GALNT12: variants seen among roughly 807,000 people sequenced by gnomAD.
GALNT12 encodes polypeptide N-acetylgalactosaminyltransferase 12.
Under a neutral mutation model 55.5 loss-of-function variants are expected in GALNT12, and 45 were observed. The observed-to-expected ratio is 0.81, with a 90% CI of 0.64 to 1.04. GALNT12 has a LOEUF of 1.04. GALNT12 is among the 50% of genes least tolerant of loss of function. The pLI, the probability that GALNT12 is intolerant of heterozygous loss-of-function variation, is 0.00. For synonymous variants in GALNT12, 304 were observed against 312.2 expected, an observed-to-expected ratio of 0.97 and a Z score of 0.28; for missense variants, 709 against 754.8, an observed-to-expected ratio of 0.94 and a Z score of 0.71.
chr9:98,833,157 G>A (rs1212615854), intron 4 of GALNT12, among the ~76,000 whole-genome samples: 1 of 152,150 alleles, frequency 6.6e-6, no homozygotes, highest in East Asian at 1.9e-4. Flanking sequence ...AGGTTTTGAA[G>A]TGATAGCCTG....
chr9:98,819,684 C>G (rs1835694328), intron 1 of GALNT12, among the ~76,000 whole-genome samples: 1 of 151,982 alleles, frequency 6.6e-6, no homozygotes, highest in Admixed American at 6.6e-5. Flanking sequence ...GGAAGAGGAC[C>G]CTGGACCCCG....
intron 3 of GALNT12, among the ~76,000 whole-genome samples, chr9:98,829,296 C>T (rs1170584542): frequency 6.6e-6 from 1 of 152,004 alleles, no homozygotes; most frequent in Non-Finnish European, 1.5e-5. Flanking sequence ...TCAAGTGATT[C>T]TCCTGGCTCA....
At chr9:98,848,242 A>T (rs1336253656) in intron 9 of GALNT12, among the ~76,000 whole-genome samples, 1 of 151,902 alleles carries the variant, frequency 6.6e-6, no homozygotes, top group African/African-American at 2.4e-5. Context: ...AAGGTTTTTC[A>T]CTGATGTTGT....
chr9:98,845,933 T>C, intron 8 of GALNT12, 44 bp from the exon 9 acceptor site: 5 of 1,606,718 alleles, frequency 3.1e-6, no homozygotes, highest in Non-Finnish European at 4.3e-6. Context: ...TCTTCCCACA[T>C]CAGTGGAAAA....
chr9:98,822,950 G>T (rs960511226), intron 1 of GALNT12, among the ~76,000 whole-genome samples: 1 of 152,188 alleles, frequency 6.6e-6, no homozygotes, highest in Non-Finnish European at 1.5e-5. Flanking sequence ...AAAGGAGGGC[G>T]ATGGGGAAGG....
chr9:98,832,578 G>T (rs548157134), intron 4 of GALNT12, among the ~76,000 whole-genome samples: 1 of 152,016 alleles, frequency 6.6e-6, no homozygotes, highest in African/African-American at 2.4e-5. Flanking sequence ...GCACATTCAC[G>T]GTATTGTGCA....
intron 1 of GALNT12, among the ~76,000 whole-genome samples, chr9:98,817,842 A>G (rs1265691359): frequency 1.3e-5 from 2 of 152,216 alleles, no homozygotes; most frequent in East Asian, 3.8e-4. Context: ...ATTGAGCTAC[A>G]TAGCTATAGA....
At chr9:98,833,895 GCCT>G (rs1836065469) in intron 4 of GALNT12, among the ~76,000 whole-genome samples, 1 of 152,054 alleles carries the variant, frequency 6.6e-6, no homozygotes, top group African/African-American at 2.4e-5. Flanking sequence ...ATATCCCTGT[GCCT>G]CAGTTATCTC....
intron 4 of GALNT12, among the ~76,000 whole-genome samples, chr9:98,834,410 C>T (rs758281489): frequency 9.8e-5 from 15 of 152,328 alleles, no homozygotes; most frequent in Non-Finnish European, 1.6e-4. Context: ...TATGAGCCAC[C>T]GTGCCCAGCC....
At chr9:98,830,352 G>T (rs1315298109) in intron 3 of GALNT12, among the ~76,000 whole-genome samples, 1 of 152,016 alleles carries the variant, frequency 6.6e-6, no homozygotes, top group Non-Finnish European at 1.5e-5. Context: ...ACCAGGTAGG[G>T]CTCCTGGCAT....
At position 98,837,126 on chromosome 9, in the gene GALNT12, A is replaced by G. The variant is rs1836174089; in HGVS notation, c.1190A>G (p.His397Arg). The change falls in exon 6 of 10, where the codon CAT becomes CGT. Residue 397 changes from histidine (H) to arginine (R), a missense_variant. Transcript: ENST00000375011. ...WMDEFKELYY[H>R]RNPRARLEPF... ...GATGAATTTAAAGAGCTCTACTACC[A>G]TCGCAACCCCCGTGCCCGCTTGGTG... is the stretch of plus-strand genomic sequence containing the variant. The G allele has an allele frequency of 1.2e-6, 2 of 1,613,988 alleles. No individual in the cohort carries two copies. The highest frequency in any genetic ancestry group is 1.7e-6 in the Non-Finnish European group (2 of 1,180,030).
chr9:98,834,975 A>G (rs1431779953), intron 4 of GALNT12, among the ~76,000 whole-genome samples: 1 of 151,922 alleles, frequency 6.6e-6, no homozygotes, highest in Non-Finnish European at 1.5e-5. Flanking sequence ...TGCCCTCCTC[A>G]GTGTTCTCCC....
intron 1 of GALNT12, among the ~76,000 whole-genome samples, chr9:98,822,160 C>T (rs1435874174): frequency 6.6e-6 from 1 of 152,248 alleles, no homozygotes; most frequent in Non-Finnish European, 1.5e-5. Context: ...CTTAGCAACC[C>T]AGGGAGCCTA....
chr9:98,818,953 G>T (rs2118326686), intron 1 of GALNT12, among the ~76,000 whole-genome samples: 1 of 152,262 alleles, frequency 6.6e-6, no homozygotes, highest in South Asian at 2.1e-4. Context: ...TGGGGCTGGA[G>T]GTTCTGATTC....
chr9:98,847,634 C>T (rs1345624450), intron 9 of GALNT12: 2 of 152,054 alleles, frequency 1.3e-5, no homozygotes, highest in Non-Finnish European at 2.9e-5. Context: ...ACGCTTAATA[C>T]TTTGATTCAT....
intron 2 of GALNT12, among the ~76,000 whole-genome samples, chr9:98,825,004 C>T (rs1835827016): frequency 6.6e-6 from 1 of 152,156 alleles, no homozygotes; most frequent in Admixed American, 6.5e-5. Context: ...TGACCCTAAC[C>T]AGTTTCAAAC....
intron 2 of GALNT12, among the ~76,000 whole-genome samples, chr9:98,824,740 C>T (rs1835821859): frequency 6.6e-6 from 1 of 152,154 alleles, no homozygotes; most frequent in African/African-American, 2.4e-5. Flanking sequence ...CTTTTCTGAG[C>T]CTCAGTTTCT....
chr9:98,808,997 C>A (rs1835437338), intron 1 of GALNT12, among the ~76,000 whole-genome samples: 1 of 152,224 alleles, frequency 6.6e-6, no homozygotes, highest in Admixed American at 6.5e-5. Flanking sequence ...CAGGCACCTG[C>A]CACTCCTCTC....
At position 98,831,712 on chromosome 9, in the gene GALNT12, A is replaced by G. The variant is rs77131163; in HGVS notation, c.732-60A>G. 4,050 of 1,590,528 alleles carry G rather than the reference A, an allele frequency of 2.5e-3. 98 individuals carry two copies. The African/African-American group carries it at 0.045, about 18-fold the overall frequency. On this transcript the variant is annotated intron_variant, in intron 3 of 9. Coordinates refer to ENST00000375011, the MANE Select transcript of GALNT12 (RefSeq NM_024642.5). ...CAAGAATTCACCCTTGAATTTCCCAATTGTCTTCCTGCTGCCCGTCTGCAT... is the reference window on the plus strand; with the variant it reads ...CAAGAATTCACCCTTGAATTTCCCAGTTGTCTTCCTGCTGCCCGTCTGCAT...
Sources: allele counts gnomAD v4.1 joint callset (sites outside exome capture counted in the v4.1 genomes callset), GRCh38; gene constraint gnomAD v4.1.1; transcripts MANE v1.5; gene names NCBI Gene and HGNC (gene_info 2026-07-23, HGNC 2026-07-21).